Variants in KLHL6 observed in about 807,000 individuals in gnomAD.
The protein encoded by KLHL6 is kelch-like protein 6.
KLHL6 carries 41 observed loss-of-function variants against 58.6 expected under a neutral mutation model. That is an observed-to-expected ratio of 0.70 (90% confidence interval 0.55 to 0.91). The LOEUF (loss-of-function observed/expected upper bound fraction) is 0.91, where lower values mean the gene tolerates loss of function less well. KLHL6 is among the 40% of genes least tolerant of loss of function. The pLI is 0.00. For synonymous variants in KLHL6, 338 were observed against 322.7 expected, an observed-to-expected ratio of 1.05 and a Z score of -0.51; for missense variants, 714 against 805.6, an observed-to-expected ratio of 0.89 and a Z score of 1.38.
chr3:183,504,621 G>T (rs183659563), intron 3 of KLHL6, among the ~76,000 whole-genome samples: 1 of 152,300 alleles, frequency 6.6e-6, no homozygotes, highest in East Asian at 1.9e-4. Flanking sequence ...AAAATAGGAA[G>T]CAGAAACAAA....
intron 1 of KLHL6, among the ~76,000 whole-genome samples, chr3:183,531,726 G>A (rs959794753): frequency 5.9e-5 from 9 of 152,144 alleles, no homozygotes; most frequent in African/African-American, 1.4e-4. Context: ...GATTACAGGC[G>A]TGAGCCACCG....
rs16857719 is a variant in KLHL6 at position 183,518,694 on chromosome 3, A to G, written c.459+9151T>C. ...AATAGACTTTCAGAACTTAAACTAG[A>G]GAAGTGGTTTTGAAAGAAATACCAG... On this transcript the variant is annotated intron_variant, in intron 2 of 6. Transcript: ENST00000341319. 7.6e-3 allele frequency among the ~76,000 whole-genome samples: 1,158 copies of G among 152,330 alleles called. 49 individuals are homozygous for G. Among genetic ancestry groups the G allele is most frequent in the Admixed American group, 0.061 (930 of 15,290 alleles).
At chr3:183,518,631 C>T (rs1215677054) in intron 2 of KLHL6, among the ~76,000 whole-genome samples, 1 of 152,158 alleles carries the variant, frequency 6.6e-6, no homozygotes, top group Non-Finnish European at 1.5e-5. Flanking sequence ...GGTGATAGAG[C>T]AGGCAAAAGA....
chr3:183,537,361 T>C (rs1417013741), intron 1 of KLHL6, among the ~76,000 whole-genome samples: 1 of 152,202 alleles, frequency 6.6e-6, no homozygotes, highest in African/African-American at 2.4e-5. Flanking sequence ...GCCCAAACTT[T>C]GCTCTCTGAG....
chr3:183,496,654 C>G (rs1275170154), intron 4 of KLHL6, among the ~76,000 whole-genome samples: 1 of 152,222 alleles, frequency 6.6e-6, no homozygotes, highest in African/African-American at 2.4e-5. Context: ...CATAATTAAG[C>G]TCCCACCATG....
intron 1 of KLHL6, among the ~76,000 whole-genome samples, chr3:183,551,623 A>G (rs1712919036): frequency 6.6e-6 from 1 of 152,228 alleles, no homozygotes; most frequent in African/African-American, 2.4e-5. Flanking sequence ...GCTTATGGTA[A>G]GAGGTTAGGT....
chr3:183,514,260 T>C (rs139477259), intron 2 of KLHL6, among the ~76,000 whole-genome samples: 153 of 152,256 alleles, frequency 1.0e-3, no homozygotes, highest in Non-Finnish European at 1.6e-3. Context: ...AGGGACTCCA[T>C]TGCCTGAAAC....
At chr3:183,501,290 T>G (rs1224308059) in intron 3 of KLHL6, among the ~76,000 whole-genome samples, 2 of 152,204 alleles carry the variant, frequency 1.3e-5, no homozygotes, top group Non-Finnish European at 2.9e-5. Flanking sequence ...ACTTTGCTGC[T>G]CTGCAACTTT....
chr3:183,509,934 T>C (rs1030402628), intron 2 of KLHL6, among the ~76,000 whole-genome samples: 15 of 152,308 alleles, frequency 9.8e-5, no homozygotes, highest in Middle Eastern at 3.4e-3. Flanking sequence ...ATATATCCTT[T>C]AAAATGAATA....
intron 1 of KLHL6, among the ~76,000 whole-genome samples, chr3:183,549,637 T>G (rs1712843880): frequency 6.6e-6 from 1 of 152,186 alleles, no homozygotes; most frequent in African/African-American, 2.4e-5. Flanking sequence ...GCCTCCCGAG[T>G]AGCTGGGACT....
At position 183,492,451 on chromosome 3, in the gene KLHL6, T is replaced by A; in HGVS notation, c.1564+43A>T. The A allele has an allele frequency of 6.2e-7, 1 of 1,601,212 alleles. No individual in the cohort carries two copies. The highest frequency in any genetic ancestry group is 8.6e-7 in the Non-Finnish European group (1 of 1,168,574). On this transcript the variant is annotated intron_variant, in intron 6 of 6. Transcript: ENST00000341319. The surrounding 1 kb of genome is among the most constrained non-coding windows in gnomAD (Gnocchi z 5.9). Reference sequence around the variant, plus strand: ...TTTACGTGCTGCAGCCAGGCGCTCATCAGGTTCTAAGCCATTCAGACCAAT... The same window carrying A: ...TTTACGTGCTGCAGCCAGGCGCTCAACAGGTTCTAAGCCATTCAGACCAAT...
At chr3:183,507,794 G>A (rs1423995172) in intron 3 of KLHL6, among the ~76,000 whole-genome samples, 2 of 152,138 alleles carry the variant, frequency 1.3e-5, no homozygotes, top group African/African-American at 4.8e-5. Flanking sequence ...TTCCACAACT[G>A]GGAAGAGGAA....
intron 2 of KLHL6, among the ~76,000 whole-genome samples, chr3:183,526,765 G>C (rs1711985944): frequency 6.6e-6 from 1 of 152,118 alleles, no homozygotes; most frequent in Non-Finnish European, 1.5e-5. Flanking sequence ...CAAGGGGTGG[G>C]GGGAATGGAG....
rs988340435 is a variant in KLHL6, at chr3:183,489,868, G to T, written c.*2059C>A. ...TCAAATATTAGCTTCTTCTAACCGT[G>T]ACTGTTTAATGAAAATTCAATTCAC... On this transcript the variant is annotated 3_prime_UTR_variant, in exon 7 of 7. Transcript: ENST00000341319. 3.3e-5 allele frequency: 5 copies of T among 152,258 alleles called. No individual in the cohort carries two copies. The highest frequency in any genetic ancestry group is 7.3e-5 in the Non-Finnish European group (5 of 68,030). The allele number at this position is 152,258 out of a possible 1,614,324, so 9.4% of individuals were successfully genotyped here. A position where few individuals can be genotyped will look rare whatever the true frequency, so the allele number is the denominator to read the frequency against.
At chr3:183,527,723 C>CGTGT in intron 2 of KLHL6, 122 bp downstream of exon 2, 1 of 689,934 alleles carries the variant, frequency 1.4e-6, no homozygotes, top group Admixed American at 2.8e-5. Flanking sequence ...TGTTTGTGTG[C>CGTGT]GTGTGTGTGT....
chr3:183,552,425 G>A (rs1044347932), intron 1 of KLHL6: 3 of 152,164 alleles, frequency 2.0e-5, no homozygotes, highest in Admixed American at 2.0e-4. Context: ...TGTGTTGAAA[G>A]CCTCACAGAC....
chr3:183,525,264 A>AC (rs750623608), intron 2 of KLHL6, among the ~76,000 whole-genome samples: 7,580 of 143,600 alleles, frequency 0.053, 231 homozygotes, highest in African/African-American at 0.077. Context: ...ACTCTCTAAA[A>AC]AAAAAACACA....
chr3:183,547,084 A>G (rs966629112), intron 1 of KLHL6, among the ~76,000 whole-genome samples: 1 of 151,882 alleles, frequency 6.6e-6, no homozygotes, highest in African/African-American at 2.4e-5. Flanking sequence ...GCTAATTTTT[A>G]TATTTTTTAG....
chr3:183,555,323 C>G (rs751459826), intron 1 of KLHL6, 38 bp downstream of exon 1: 1 of 1,593,398 alleles, frequency 6.3e-7, no homozygotes, highest in Non-Finnish European at 8.6e-7. Context: ...TTCCTTGCAA[C>G]TTGCACCCAA....
Sources: gnomAD v4.1 joint callset for allele counts (sites outside exome capture counted in the v4.1 genomes callset) on GRCh38, gnomAD v4.1.1 for gene constraint, Gnocchi (gnomAD v3.1) non-coding constraint, MANE v1.5 for transcripts, NCBI Gene and HGNC (gene_info 2026-07-23, HGNC 2026-07-21) for gene names.